Variants in NRXN3 observed in about 807,000 individuals in gnomAD.
The protein encoded by NRXN3 is neurexin III.
In NRXN3, 32 loss-of-function variants were observed where a neutral mutation model predicts 137.6. The observed-to-expected ratio is 0.23, with a 90% CI of 0.18 to 0.31. The LOEUF (loss-of-function observed/expected upper bound fraction) is 0.31, where lower values mean the gene tolerates loss of function less well. Ranked by LOEUF, NRXN3 falls within the 10% of genes least tolerant of loss-of-function variation. The probability of loss-of-function intolerance (pLI) is 1.00; values close to 1 mark genes in which losing one functional copy is unlikely to be tolerated. For missense variants in NRXN3, 1,574 were observed against 2,062.5 expected (o/e 0.76, Z 4.59); for synonymous variants, 798 against 784.5 (o/e 1.02, Z -0.29).
rs59479370 is a variant in NRXN3, at chr14:78,190,648, T to C, written c.-704+19974T>C. On this transcript the variant is annotated intron_variant, in intron 1 of 20. Transcript: ENST00000335750. ...ATTTATTTATTTATTTATTTATTTATTTATTTACTTACTTACTTACTTAAT... is the reference window on the plus strand; with the variant it reads ...ATTTATTTATTTATTTATTTATTTACTTATTTACTTACTTACTTACTTAAT... Among the ~76,000 whole-genome samples, 325 of 34,154 alleles carry C rather than the reference T, an allele frequency of 9.5e-3. 8 individuals are homozygous for C. In the East Asian group the frequency reaches 0.14, roughly 14 times the overall value. The allele number at this position is 34,154 out of a possible 152,430, so 22.4% of individuals were successfully genotyped here. A position where few individuals can be genotyped will look rare whatever the true frequency, so the allele number is the denominator to read the frequency against.
chr14:79,442,286 G>A (rs1360012654), intron 15 of NRXN3, among the ~76,000 whole-genome samples: 1 of 152,116 alleles, frequency 6.6e-6, no homozygotes, highest in East Asian at 1.9e-4. Flanking sequence ...AGAGTCTCAG[G>A]AAAACAGAAC....
intron 16 of NRXN3, among the ~76,000 whole-genome samples, chr14:79,560,513 T>TTTTTTTTTTTC (rs2097484175): frequency 8.3e-6 from 1 of 120,504 alleles, no homozygotes; most frequent in Non-Finnish European, 1.7e-5. Context: ...GCTTTTTTTT[T>TTTTTTTTTTTC]TTTTTTTTTT....
At chr14:78,864,499 C>T (rs17108315) in intron 10 of NRXN3, among the ~76,000 whole-genome samples, 3,299 of 152,188 alleles carry the variant, frequency 0.022, 131 homozygotes, top group African/African-American at 0.075. Context: ...CTTATCCTTT[C>T]GGTGCTTCAC....
intron 4 of NRXN3, among the ~76,000 whole-genome samples, chr14:78,474,304 G>T (rs1179902352): frequency 1.3e-5 from 2 of 152,188 alleles, no homozygotes; most frequent in Non-Finnish European, 2.9e-5. Flanking sequence ...ATAACAAGGG[G>T]TGATGCTCCC....
intron 16 of NRXN3, among the ~76,000 whole-genome samples, chr14:79,556,908 G>C (rs1055193384): frequency 6.6e-6 from 1 of 152,138 alleles, no homozygotes; most frequent in Non-Finnish European, 1.5e-5. Flanking sequence ...CATAACAAAG[G>C]CAATTAAAGA....
chr14:79,632,000 T>TA (rs1436645540), intron 16 of NRXN3, among the ~76,000 whole-genome samples: 2 of 152,008 alleles, frequency 1.3e-5, no homozygotes, highest in Non-Finnish European at 1.5e-5. Context: ...GATAAGGAAA[T>TA]AAAAGCAGGC....
At chr14:79,838,515 A>G (rs1330251229) in intron 20 of NRXN3, among the ~76,000 whole-genome samples, 2 of 152,222 alleles carry the variant, frequency 1.3e-5, no homozygotes, top group Non-Finnish European at 2.9e-5. Flanking sequence ...AAACTTAAGT[A>G]GTATATCCAT....
chr14:79,790,733 G>C (rs894236536), intron 19 of NRXN3, among the ~76,000 whole-genome samples: 1 of 148,686 alleles, frequency 6.7e-6, no homozygotes, highest in East Asian at 2.0e-4. Context: ...CGATTCTCCT[G>C]CCTCAGCCAC....
rs753211798 is a variant in NRXN3 at position 79,697,760 on chromosome 14, G to A, written c.3837G>A (p.Glu1279=). 81 of 1,612,978 alleles carry A rather than the reference G, an allele frequency of 5.0e-5. No homozygotes were observed. Among genetic ancestry groups the A allele is most frequent in the African/African-American group, 1.1e-4 (8 of 74,790 alleles). ...DGLKVLNMAA[E]NNPNIKINGS... is the part of the protein sequence containing the mutation. The stretch of plus-strand genomic sequence containing the variant: ...TGAAAGTACTGAACATGGCGGCTGA[G>A]AACAACCCCAATATTAAAATCAATG... The change falls in exon 19 of 21, where the codon GAG becomes GAA. Residue 1279 remains glutamate, a synonymous_variant. Coordinates refer to ENST00000335750, the MANE Select transcript of NRXN3 (RefSeq NM_001330195.2).
chr14:79,499,571 G>A (rs998462557), intron 16 of NRXN3, among the ~76,000 whole-genome samples: 1 of 152,182 alleles, frequency 6.6e-6, no homozygotes, highest in Non-Finnish European at 1.5e-5. Flanking sequence ...GAAAAGGAAT[G>A]TGACTGTTTA....
chr14:79,794,956 C>CAAAG (rs1228958315), intron 19 of NRXN3, among the ~76,000 whole-genome samples: 3 of 152,112 alleles, frequency 2.0e-5, no homozygotes, highest in African/African-American at 4.8e-5. Context: ...AACACAAGTG[C>CAAAG]AAAGATAAAT....
chr14:78,778,900 AAT>A (rs1412934021), intron 8 of NRXN3, among the ~76,000 whole-genome samples: 1 of 151,114 alleles, frequency 6.6e-6, no homozygotes, highest in African/African-American at 2.4e-5. Flanking sequence ...ACAGATAGTT[AAT>A]TCACACTTAC....
At chr14:78,535,554 A>C (rs2096527275) in intron 4 of NRXN3, among the ~76,000 whole-genome samples, 1 of 152,204 alleles carries the variant, frequency 6.6e-6, no homozygotes, top group African/African-American at 2.4e-5. Context: ...ACTTAATTGG[A>C]TAGTGCTTAC....
At position 79,160,325 on chromosome 14, in the gene NRXN3, G is replaced by A. The variant is rs535862890; in HGVS notation, c.3262+172184G>A. ...TGATTTTAGTCCTTTCTCTGACCTG[G>A]ATTCTCCCACTCCCCAGCTTTTAAA... On this transcript the variant is annotated intron_variant, in intron 15 of 20. Transcript: ENST00000335750. Among the ~76,000 whole-genome samples, 48 of 151,988 alleles carry A rather than the reference G, an allele frequency of 3.2e-4. 1 individual carries two copies. Among genetic ancestry groups the A allele is most frequent in the African/African-American group, 1.2e-3 (48 of 41,522 alleles).
At chr14:78,529,179 A>G (rs1196073128) in intron 4 of NRXN3, among the ~76,000 whole-genome samples, 1 of 152,216 alleles carries the variant, frequency 6.6e-6, no homozygotes. Context: ...CTTAAACTGT[A>G]CAAGTCAGTT....
chr14:79,035,664 T>G (rs949873141), intron 15 of NRXN3, among the ~76,000 whole-genome samples: 10 of 152,050 alleles, frequency 6.6e-5, no homozygotes, highest in Admixed American at 5.9e-4. Flanking sequence ...CAATCTAAAT[T>G]ATATGATTTC....
In NRXN3 at chr14:79,363,601, G is replaced by GAA. The variant is rs35899846; in HGVS notation, c.3263-103605_3263-103604dup. 2.8e-3 allele frequency among the ~76,000 whole-genome samples: 354 copies of GAA among 124,822 alleles called. 2 individuals carry two copies. Among genetic ancestry groups the GAA allele is most frequent in the African/African-American group, 0.011 (341 of 31,984 alleles). 81.9% of individuals were successfully genotyped at this position (124,822 alleles called of 152,430 possible). On this transcript the variant is annotated intron_variant, in intron 15 of 20. Transcript: ENST00000335750. ...ACAGTTGCTCCTTCTACTTTCTTAAGAAAAAAAAAAAAAAAATCCAAATGG... is the reference window on the plus strand; with the variant it reads ...ACAGTTGCTCCTTCTACTTTCTTAAGAAAAAAAAAAAAAAAAAATCCAAATGG...
chr14:78,863,285 G>C (rs961740189), intron 10 of NRXN3, among the ~76,000 whole-genome samples: 14 of 152,172 alleles, frequency 9.2e-5, no homozygotes, highest in Admixed American at 5.2e-4. Context: ...ATTAGTATGA[G>C]ATTTTGAGGT....
intron 20 of NRXN3, among the ~76,000 whole-genome samples, chr14:79,833,847 G>A (rs2141296729): frequency 6.6e-6 from 1 of 152,232 alleles, no homozygotes; most frequent in African/African-American, 2.4e-5. Flanking sequence ...TTATGCAAAT[G>A]CTGCACAATA....
Sources: gnomAD v4.1 joint callset for allele counts (sites outside exome capture counted in the v4.1 genomes callset) on GRCh38, gnomAD v4.1.1 for gene constraint, MANE v1.5 for transcripts, NCBI Gene and HGNC (gene_info 2026-07-23, HGNC 2026-07-21) for gene names.